The following TANGO2 variants were observed in gnomAD, a reference collection of about 807,000 sequenced individuals.
TANGO2 encodes transport and Golgi organization protein 2 homolog.
A neutral mutation model predicts 39.1 loss-of-function variants in TANGO2; 26 were observed. That is an observed-to-expected ratio of 0.67 (90% CI 0.49 to 0.92). The LOEUF (loss-of-function observed/expected upper bound fraction) is 0.92, where lower values mean the gene tolerates loss of function less well. TANGO2 is among the 40% of genes least tolerant of loss of function. The pLI is 0.00. For synonymous variants in TANGO2, 131 were observed against 144.5 expected (o/e 0.91, Z 0.67); for missense variants, 326 against 360.1 (o/e 0.91, Z 0.77).
At chr22:20,037,627 G>A (rs572260303) in intron 2 of TANGO2, among the ~76,000 whole-genome samples, 1 of 151,980 alleles carries the variant, frequency 6.6e-6, no homozygotes, top group African/African-American at 2.4e-5. Context: ...TTCAGGCCAA[G>A]GAATCAGGAA....
rs149592520 is a variant in TANGO2 at position 20,062,180 on chromosome 22, G to A, written c.605+497G>A. 8.5e-5 allele frequency among the ~76,000 whole-genome samples: 13 copies of A among 152,328 alleles called. No homozygotes were observed. The East Asian group carries it at 2.3e-3, about 27-fold the overall frequency. On this transcript the variant is annotated intron_variant, in intron 7 of 8. Coordinates refer to ENST00000327374, the MANE Select transcript of TANGO2 (RefSeq NM_152906.7). ...TTGCAGTTCCGGGAACTGCCTGGGT[G>A]TAGGAGCTCCCACCCACTTCCTTGC... is the stretch of plus-strand genomic sequence containing the variant.
intron 1 of TANGO2, among the ~76,000 whole-genome samples, chr22:20,023,606 G>A (rs2040148420): frequency 6.6e-6 from 1 of 152,192 alleles, no homozygotes; most frequent in Admixed American, 6.5e-5. Flanking sequence ...TGTAATCCCA[G>A]CAGTTTGGGA....
chr22:20,056,935 C>T (rs1481564280), intron 6 of TANGO2: 1 of 456,596 alleles, frequency 2.2e-6, no homozygotes, highest in African/African-American at 2.0e-5. Flanking sequence ...TGTTCCGGCG[C>T]CTGGGGAGTG....
chr22:20,019,805 G>A (rs532727530), upstream of TANGO2, among the ~76,000 whole-genome samples: 1 of 152,338 alleles, frequency 6.6e-6, no homozygotes, highest in East Asian at 1.9e-4. Context: ...GAAATCACTG[G>A]TACCAGCCCC....
At chr22:20,055,030 G>A (rs2047080687) in intron 5 of TANGO2, 1 of 152,394 alleles carries the variant, frequency 6.6e-6, no homozygotes, top group South Asian at 2.1e-4. Context: ...GCCTACCAGG[G>A]GTGGGGAAGG....
chr22:20,033,701 A>T (rs996286407), intron 1 of TANGO2, among the ~76,000 whole-genome samples: 2 of 152,206 alleles, frequency 1.3e-5, no homozygotes, highest in African/African-American at 2.4e-5. Flanking sequence ...CTCCAGAGTA[A>T]AGGGACTTGT....
At chr22:20,033,045 C>G in intron 1 of TANGO2, 3 of 390,762 alleles carry the variant, frequency 7.7e-6, no homozygotes, top group Non-Finnish European at 1.5e-5. Flanking sequence ...AAGGCAAGGT[C>G]ACAGGTCGGG....
At chr22:20,031,652 C>T (rs564113379) in intron 1 of TANGO2, among the ~76,000 whole-genome samples, 1 of 152,316 alleles carries the variant, frequency 6.6e-6, no homozygotes, top group East Asian at 1.9e-4. Flanking sequence ...TCTAGTAGGA[C>T]CACATGTGAA....
intron 1 of TANGO2, among the ~76,000 whole-genome samples, chr22:20,034,701 G>C (rs2042522547): frequency 6.6e-6 from 1 of 152,180 alleles, no homozygotes; most frequent in Admixed American, 6.6e-5. Context: ...GCCTAACTTA[G>C]AGGAGAGTCT....
chr22:20,034,674 C>T (rs1354499542), intron 1 of TANGO2, among the ~76,000 whole-genome samples: 1 of 152,184 alleles, frequency 6.6e-6, no homozygotes, highest in African/African-American at 2.4e-5. Flanking sequence ...CCCTAAGCAT[C>T]GCTCTTTGGA....
At chr22:20,036,194 CAATT>C (rs937651140) in intron 1 of TANGO2, among the ~76,000 whole-genome samples, 3 of 152,180 alleles carry the variant, frequency 2.0e-5, no homozygotes, top group Non-Finnish European at 4.4e-5. Context: ...CCCTACCCAA[CAATT>C]AATAGGCGAC....
At chr22:20,028,131 A>G (rs2041147370) in intron 1 of TANGO2, among the ~76,000 whole-genome samples, 1 of 151,966 alleles carries the variant, frequency 6.6e-6, no homozygotes, top group Non-Finnish European at 1.5e-5. Context: ...TTATATTGAG[A>G]CAGAGTCTCC....
intron 7 of TANGO2, among the ~76,000 whole-genome samples, chr22:20,062,471 CCTT>C (rs1345109725): frequency 6.6e-6 from 1 of 152,354 alleles, no homozygotes; most frequent in South Asian, 2.1e-4. Flanking sequence ...TGCCTACCCT[CCTT>C]CTCCTCTGGG....
chr22:20,026,393 G>A (rs977524022), intron 1 of TANGO2, among the ~76,000 whole-genome samples: 4 of 53,410 alleles, frequency 7.5e-5, no homozygotes, highest in African/African-American at 4.1e-4. Flanking sequence ...GCGAGACTTC[G>A]TCTCAAAAAA....
At chr22:20,020,277 T>G (rs1286657010), upstream of TANGO2, among the ~76,000 whole-genome samples, 1 of 152,240 alleles carries the variant, frequency 6.6e-6, no homozygotes, top group Admixed American at 6.5e-5. Flanking sequence ...TCATAGTTTT[T>G]TGAATGCTCA....
chr22:20,019,231 G>A (rs2039395828), upstream of TANGO2: 1 of 152,234 alleles, frequency 6.6e-6, no homozygotes, highest in Admixed American at 6.5e-5. Context: ...GAGAGAAAAT[G>A]CTTTCAGCTG....
intron 1 of TANGO2, among the ~76,000 whole-genome samples, chr22:20,025,259 A>AT (rs2040513992): frequency 6.6e-6 from 1 of 150,824 alleles, no homozygotes; most frequent in Admixed American, 6.6e-5. Flanking sequence ...CGCCCTGCTA[A>AT]TTTTTGTGTT....
At chr22:20,021,982 G>C (rs552957417) in intron 1 of TANGO2, among the ~76,000 whole-genome samples, 16 of 152,370 alleles carry the variant, frequency 1.1e-4, no homozygotes, top group South Asian at 8.3e-4. Flanking sequence ...GGCCAGGCCT[G>C]TTTGCACTGT....
intron 4 of TANGO2, 96 bp downstream of exon 4, chr22:20,052,680 T>C (rs1602239004): frequency 1.4e-6 from 2 of 1,449,108 alleles, no homozygotes; most frequent in East Asian, 2.5e-5. Context: ...GACTGGCCAA[T>C]GTATGGTGGA....
Sources: gnomAD v4.1 joint callset for allele counts (sites outside exome capture counted in the v4.1 genomes callset) on GRCh38, gnomAD v4.1.1 for gene constraint, MANE v1.5 for transcripts, NCBI Gene and HGNC (gene_info 2026-07-23, HGNC 2026-07-21) for gene names.